The following EGFLAM variants were observed in gnomAD, a reference collection of about 807,000 sequenced individuals.
EGFLAM encodes EGF like, fibronectin type III and laminin G domains.
A neutral mutation model predicts 113.1 loss-of-function variants in EGFLAM; 79 were observed. The observed-to-expected ratio is 0.70, with a 90% CI of 0.58 to 0.84. The LOEUF (loss-of-function observed/expected upper bound fraction) is 0.84, where lower values mean the gene tolerates loss of function less well. Among genes scored for constraint, EGFLAM ranks in the 40% least tolerant of loss-of-function variants. EGFLAM has a pLI of 0.00. For missense variants in EGFLAM, 1,265 were observed against 1,291.6 expected, an observed-to-expected ratio of 0.98 and a Z score of 0.32; for synonymous variants, 504 against 487.6, an observed-to-expected ratio of 1.03 and a Z score of -0.44.
At chr5:38,415,593 G>T (rs1237394855) in intron 11 of EGFLAM, among the ~76,000 whole-genome samples, 1 of 152,148 alleles carries the variant, frequency 6.6e-6, no homozygotes, top group Non-Finnish European at 1.5e-5. Context: ...AGGATCACTT[G>T]AGCCCAGGAG....
intron 3 of EGFLAM, among the ~76,000 whole-genome samples, chr5:38,348,992 C>T (rs185640567): frequency 1.3e-5 from 2 of 152,234 alleles, no homozygotes; most frequent in Admixed American, 1.3e-4. Context: ...GGGCCTCAGT[C>T]GTTTAGATCA....
intron 6 of EGFLAM, among the ~76,000 whole-genome samples, chr5:38,388,520 G>T (rs997976114): frequency 6.6e-6 from 1 of 152,038 alleles, no homozygotes; most frequent in Non-Finnish European, 1.5e-5. Flanking sequence ...AAGGCAGGTG[G>T]ATCACTTGAG....
intron 17 of EGFLAM, among the ~76,000 whole-genome samples, chr5:38,442,862 T>G (rs1428285666): frequency 6.6e-6 from 1 of 152,174 alleles, no homozygotes; most frequent in African/African-American, 2.4e-5. Flanking sequence ...CATGGTCATA[T>G]AAGATGTCTA....
intron 6 of EGFLAM, among the ~76,000 whole-genome samples, chr5:38,374,133 C>A (rs1740302700): frequency 6.6e-6 from 1 of 152,116 alleles, no homozygotes; most frequent in African/African-American, 2.4e-5. Flanking sequence ...GTGATGCTGA[C>A]TATTTTTTCT....
chr5:38,261,042 C>A (rs1055222290), intron 1 of EGFLAM, among the ~76,000 whole-genome samples: 2 of 152,174 alleles, frequency 1.3e-5, no homozygotes, highest in Non-Finnish European at 2.9e-5. Flanking sequence ...GCGGTTCTGT[C>A]TTATTTGGAT....
At chr5:38,324,568 C>G (rs1579773112) in intron 1 of EGFLAM, among the ~76,000 whole-genome samples, 1 of 152,302 alleles carries the variant, frequency 6.6e-6, no homozygotes, top group East Asian at 1.9e-4. Flanking sequence ...ACTTCCTTCT[C>G]TCTGCCATTT....
At chr5:38,338,891 T>C (rs1381871508) in intron 3 of EGFLAM, 110 bp downstream of exon 3, 3 of 858,422 alleles carry the variant, frequency 3.5e-6, no homozygotes, top group Non-Finnish European at 5.7e-6. Context: ...AACTAATGCT[T>C]GTAATAGTCC....
chr5:38,298,138 G>C lies in EGFLAM; in HGVS notation c.97+39287G>C, dbSNP rs143452979. Among the ~76,000 whole-genome samples, 123 of 152,282 alleles carry C rather than the reference G, an allele frequency of 8.1e-4. 1 individual carries two copies. The highest frequency in any genetic ancestry group is 2.9e-3 in the African/African-American group (120 of 41,570). ...GGGATCTGTTGTCTGCTCAGAGCAG[G>C]GGGGAGATGGTTTTCTGACATGCTA... On this transcript the variant is annotated intron_variant, in intron 1 of 21. Transcript: ENST00000322350.
intron 1 of EGFLAM, among the ~76,000 whole-genome samples, chr5:38,269,888 G>A (rs899519792): frequency 1.3e-5 from 2 of 152,192 alleles, no homozygotes. Context: ...TTAACAAAAA[G>A]GAAATAGCCA....
At chr5:38,319,438 G>T (rs541630013) in intron 1 of EGFLAM, among the ~76,000 whole-genome samples, 1 of 152,208 alleles carries the variant, frequency 6.6e-6, no homozygotes, top group Non-Finnish European at 1.5e-5. Context: ...TAGTCAATCA[G>T]GCAGCAAATA....
At chr5:38,373,417 C>T (rs932855343) in intron 6 of EGFLAM, among the ~76,000 whole-genome samples, 2 of 152,164 alleles carry the variant, frequency 1.3e-5, no homozygotes, top group Non-Finnish European at 2.9e-5. Flanking sequence ...TCCCAACCTC[C>T]CCGCTGCCTT....
chr5:38,326,502 A>C (rs985908787), intron 1 of EGFLAM, among the ~76,000 whole-genome samples: 1 of 149,270 alleles, frequency 6.7e-6, no homozygotes, highest in Non-Finnish European at 1.5e-5. Context: ...TCTGTTGATA[A>C]GGGTTTTTTT....
At chr5:38,281,806 A>G (rs1260929996) in intron 1 of EGFLAM, among the ~76,000 whole-genome samples, 3 of 152,254 alleles carry the variant, frequency 2.0e-5, no homozygotes, top group Admixed American at 6.5e-5. Context: ...TTGGCCAACA[A>G]TAAATTGACT....
chr5:38,462,790 A>T, intron 20 of EGFLAM, 118 bp from the exon 21 acceptor site: 1 of 1,140,690 alleles, frequency 8.8e-7, no homozygotes, highest in Non-Finnish European at 1.3e-6. Flanking sequence ...CCCATCATTT[A>T]GCACAGTACC....
intron 1 of EGFLAM, chr5:38,290,749 C>T (rs953701471): frequency 6.6e-6 from 1 of 152,334 alleles, no homozygotes; most frequent in Admixed American, 6.6e-5. Context: ...GAATGAAGCC[C>T]TTTTTGCCCT....
chr5:38,408,459 G>C (rs1340457801), intron 9 of EGFLAM, among the ~76,000 whole-genome samples: 3 of 152,130 alleles, frequency 2.0e-5, no homozygotes, highest in Non-Finnish European at 4.4e-5. Context: ...AAGGTCTGGA[G>C]GTCTGGAAAG....
chr5:38,385,659 C>T (rs1055523254), intron 6 of EGFLAM, among the ~76,000 whole-genome samples: 23 of 152,030 alleles, frequency 1.5e-4, no homozygotes, highest in Admixed American at 1.4e-3. Context: ...CACAGACACT[C>T]ACAGTACTCA....
At chr5:38,387,341 C>T (rs1740690315) in intron 6 of EGFLAM, among the ~76,000 whole-genome samples, 1 of 152,220 alleles carries the variant, frequency 6.6e-6, no homozygotes, top group African/African-American at 2.4e-5. Context: ...CTGCCAACCC[C>T]TTGATTTATT....
At chr5:38,306,621 G>A (rs1579751497) in intron 1 of EGFLAM, among the ~76,000 whole-genome samples, 1 of 152,206 alleles carries the variant, frequency 6.6e-6, no homozygotes, top group East Asian at 1.9e-4. Context: ...GTTACATGCG[G>A]AATATACAAT....
Sources: gnomAD v4.1 joint callset for allele counts (sites outside exome capture counted in the v4.1 genomes callset) on GRCh38, gnomAD v4.1.1 for gene constraint, MANE v1.5 for transcripts, NCBI Gene and HGNC (gene_info 2026-07-23, HGNC 2026-07-21) for gene names.